Variants in RAPGEF5 observed in about 807,000 individuals in gnomAD.
The protein encoded by RAPGEF5 is M-Ras-regulated GEF.
Under a neutral mutation model 125.2 loss-of-function variants are expected in RAPGEF5, and 65 were observed. The observed-to-expected ratio is 0.52, with a 90% CI of 0.43 to 0.64. The LOEUF (loss-of-function observed/expected upper bound fraction) is 0.64, where lower values mean the gene tolerates loss of function less well. RAPGEF5 is among the 30% of genes least tolerant of loss of function. RAPGEF5 has a pLI of 0.00. For missense variants in RAPGEF5, 958 were observed against 1,048.1 expected (o/e 0.91, Z 1.19); for synonymous variants, 391 against 385.9 (o/e 1.01, Z -0.16).
chr7:22,357,108 C>T lies in RAPGEF5; in HGVS notation c.-48G>A, dbSNP rs1322561286. On this transcript the variant is annotated 5_prime_UTR_variant, in exon 1 of 26. Transcript: ENST00000665637. ...GGGGGCTCCTCTCCACCGCGCTCGC[C>T]TCCGCGCGCCGTCCGCGCCTTCGCC... 4.8e-5 allele frequency: 46 copies of T among 957,574 alleles called. No homozygotes were observed. Among genetic ancestry groups the T allele is most frequent in the Non-Finnish European group, 5.8e-5 (46 of 797,666 alleles). The allele number at this position is 957,574 out of a possible 1,614,324, so 59.3% of individuals were successfully genotyped here.
rs1289953623 is a variant in RAPGEF5, at chr7:22,154,479, G to A, written c.1762C>T (p.Leu588=). 2 of 1,613,670 alleles carry A rather than the reference G, an allele frequency of 1.2e-6. No individual in the cohort carries two copies. The highest frequency in any genetic ancestry group is 1.3e-5 in the African/African-American group (1 of 74,924). ...CCCCCAGAGAATGTGATGGCCACCAGAGCCAGATCCTCTTCTGCATACTGG... is the reference window on the plus strand; with the variant it reads ...CCCCCAGAGAATGTGATGGCCACCAAAGCCAGATCCTCTTCTGCATACTGG... ...KIQYAEEDLA[L]VAITFSGEKH... is the part of the protein sequence containing the mutation. Residue 588 remains leucine (L), a synonymous_variant, in exon 17 of 26, where the codon CTG becomes TTG. Coordinates refer to ENST00000665637, the MANE Select transcript of RAPGEF5 (RefSeq NM_012294.5).
chr7:22,287,006 T>C (rs1490584689), intron 6 of RAPGEF5, among the ~76,000 whole-genome samples: 3 of 152,220 alleles, frequency 2.0e-5, no homozygotes, highest in South Asian at 4.1e-4. Context: ...CAGAGGATAT[T>C]AGAAAGGAGG....
At chr7:22,258,334 A>T (rs1164884816) in intron 7 of RAPGEF5, among the ~76,000 whole-genome samples, 1 of 152,172 alleles carries the variant, frequency 6.6e-6, no homozygotes, top group African/African-American at 2.4e-5. Context: ...AAGAATAGAC[A>T]AACAGGCCAG....
At chr7:22,314,000 C>T (rs143886296) in intron 3 of RAPGEF5, among the ~76,000 whole-genome samples, 242 of 152,208 alleles carry the variant, frequency 1.6e-3, no homozygotes, top group Middle Eastern at 3.4e-3. Context: ...TAAAGAGCTC[C>T]GTGAGTCCAT....
chr7:22,279,234 TAC>T (rs1782621963), intron 6 of RAPGEF5, among the ~76,000 whole-genome samples: 1 of 152,214 alleles, frequency 6.6e-6, no homozygotes, highest in Non-Finnish European at 1.5e-5. Flanking sequence ...TGACTCTCAA[TAC>T]ACAGTTTTAA....
intron 7 of RAPGEF5, among the ~76,000 whole-genome samples, chr7:22,236,437 G>C (rs1227988993): frequency 1.3e-5 from 2 of 152,190 alleles, no homozygotes; most frequent in African/African-American, 2.4e-5. Flanking sequence ...CCTCAAGAAA[G>C]AGTAATTGAT....
At chr7:22,148,317 T>G (rs139808835) in intron 18 of RAPGEF5, among the ~76,000 whole-genome samples, 1 of 152,332 alleles carries the variant, frequency 6.6e-6, no homozygotes, top group Non-Finnish European at 1.5e-5. Flanking sequence ...TCTCCCTAAT[T>G]GGGTCCCTTA....
chr7:22,271,766 T>C (rs1284553797), intron 6 of RAPGEF5, among the ~76,000 whole-genome samples: 1 of 152,212 alleles, frequency 6.6e-6, no homozygotes. Context: ...GCTTTCTATC[T>C]TGGATAACCA....
chr7:22,154,070 C>T (rs1487172651), intron 17 of RAPGEF5, among the ~76,000 whole-genome samples: 2 of 152,086 alleles, frequency 1.3e-5, no homozygotes, highest in African/African-American at 4.8e-5. Flanking sequence ...ATTAAATTGT[C>T]AGCCCGCAAT....
chr7:22,281,929 A>G (rs1406180479), intron 6 of RAPGEF5, among the ~76,000 whole-genome samples: 1 of 152,198 alleles, frequency 6.6e-6, no homozygotes, highest in Non-Finnish European at 1.5e-5. Context: ...CCGGATACAC[A>G]GATTCTTTAT....
Position 22,356,238 on chromosome 7 carries a change from G to A in RAPGEF5, c.231+592C>T. 3 of 985,422 alleles carry A rather than the reference G, an allele frequency of 3.0e-6. No homozygotes were observed. The South Asian group carries it at 1.4e-4, about 46-fold the overall frequency. The allele number at this position is 985,422 out of a possible 1,614,324, so 61.0% of individuals were successfully genotyped here. A position where few individuals can be genotyped will look rare whatever the true frequency, so the allele number is the denominator to read the frequency against. ...GGAAGTCAATATTGAAGGTTCTTGGGGGCGTGCACCCTCCTGCTCAAGAGG... is the reference window on the plus strand; with the variant it reads ...GGAAGTCAATATTGAAGGTTCTTGGAGGCGTGCACCCTCCTGCTCAAGAGG... On this transcript the variant is annotated intron_variant, in intron 1 of 25. Transcript: ENST00000665637.
chr7:22,317,242 CTTT>C (rs67830846), intron 2 of RAPGEF5, among the ~76,000 whole-genome samples: 8 of 134,118 alleles, frequency 6.0e-5, no homozygotes, highest in Non-Finnish European at 6.4e-5. Flanking sequence ...CTTTTTTTTT[CTTT>C]TTTTTTTTTT....
At chr7:22,220,269 A>T (rs1785753760) in intron 8 of RAPGEF5, 1 of 289,730 alleles carries the variant, frequency 3.5e-6, no homozygotes, top group East Asian at 6.2e-5. Flanking sequence ...TGCGCCTGAT[A>T]GGCTCCTGTT....
chr7:22,326,759 G>T (rs1410471875), intron 1 of RAPGEF5, among the ~76,000 whole-genome samples: 1 of 152,004 alleles, frequency 6.6e-6, no homozygotes, highest in East Asian at 1.9e-4. Context: ...ACTAGTAAAG[G>T]GTACAAAGTT....
intron 6 of RAPGEF5, among the ~76,000 whole-genome samples, chr7:22,274,809 C>A (rs1384686092): frequency 6.6e-6 from 1 of 152,170 alleles, no homozygotes; most frequent in Non-Finnish European, 1.5e-5. Flanking sequence ...TCATTCTCTA[C>A]TCTGCAGTCA....
chr7:22,351,637 T>C (rs73683362), intron 1 of RAPGEF5, among the ~76,000 whole-genome samples: 22,059 of 152,200 alleles, frequency 0.14, 1,650 homozygotes, highest in Middle Eastern at 0.21. Context: ...AGAGTTGAAG[T>C]TTATATCAGA....
chr7:22,271,187 A>AAAAT (rs543457033), intron 6 of RAPGEF5, among the ~76,000 whole-genome samples: 154 of 152,332 alleles, frequency 1.0e-3, no homozygotes, highest in African/African-American at 3.5e-3. Flanking sequence ...AGGTTTAAAA[A>AAAAT]AAATACTGAT....
intron 7 of RAPGEF5, among the ~76,000 whole-genome samples, chr7:22,257,306 T>C (rs866037328): frequency 6.6e-6 from 1 of 152,330 alleles, no homozygotes; most frequent in Middle Eastern, 3.4e-3. Flanking sequence ...GAAGCATACA[T>C]AGAAAACACC....
intron 22 of RAPGEF5, 22 bp downstream of exon 22, chr7:22,136,910 TC>T (rs766466660): frequency 1.3e-6 from 2 of 1,537,484 alleles, no homozygotes; most frequent in East Asian, 2.3e-5. Flanking sequence ...GAAGAATAAG[TC>T]CCCTTTGGCT....
Sources: allele counts gnomAD v4.1 joint callset (sites outside exome capture counted in the v4.1 genomes callset), GRCh38; gene constraint gnomAD v4.1.1; transcripts MANE v1.5; gene names NCBI Gene and HGNC (gene_info 2026-07-23, HGNC 2026-07-21).